TPD52L2: variants seen among roughly 807,000 people sequenced by gnomAD.
TPD52L2 encodes tumor protein D54.
TPD52L2 carries 19 observed loss-of-function variants against 24.7 expected under a neutral mutation model. The observed-to-expected ratio is 0.77, with a 90% CI of 0.54 to 1.13. TPD52L2 has a LOEUF of 1.13. TPD52L2 is among the 50% of genes most tolerant of loss of function. The probability of loss-of-function intolerance (pLI) is 0.00; values close to 1 mark genes in which losing one functional copy is unlikely to be tolerated. For synonymous variants in TPD52L2, 104 were observed against 100.2 expected (o/e 1.04, Z -0.23); for missense variants, 236 against 250.4 (o/e 0.94, Z 0.39).
intron 5 of TPD52L2, chr20:63,888,964 T>C: frequency 1.7e-6 from 1 of 591,292 alleles, no homozygotes; most frequent in Non-Finnish European, 3.0e-6. Flanking sequence ...CCAGTTGCCT[T>C]GTGTGACGTC....
At chr20:63,873,151 C>T (rs1438722827) in intron 2 of TPD52L2, among the ~76,000 whole-genome samples, 1 of 151,966 alleles carries the variant, frequency 6.6e-6, no homozygotes, top group Non-Finnish European at 1.5e-5. Context: ...AGTTGTGGGG[C>T]ATGGGATAGT....
chr20:63,874,673 C>T (rs2052599685), intron 3 of TPD52L2, among the ~76,000 whole-genome samples: 1 of 152,148 alleles, frequency 6.6e-6, no homozygotes, highest in South Asian at 2.1e-4. Flanking sequence ...CCACATCCGG[C>T]TTATATACGT....
At chr20:63,889,007 G>C in intron 5 of TPD52L2, 183 bp from the exon 6 acceptor site, 1 of 630,784 alleles carries the variant, frequency 1.6e-6, no homozygotes, top group Non-Finnish European at 2.9e-6. Context: ...GGGCATGGCC[G>C]ACCTCACTTT....
rs139901679 is a variant in TPD52L2, at chr20:63,887,553, C to T, written c.477-1637C>T. On this transcript the variant is annotated intron_variant, in intron 5 of 6. Transcript: ENST00000346249. Reference sequence around the variant, plus strand: ...TGCTTCCTTCTCTGCTTCTGCCATGCTTCCAAGCAGCAGCTACTCCATCCG... The same window carrying T: ...TGCTTCCTTCTCTGCTTCTGCCATGTTTCCAAGCAGCAGCTACTCCATCCG... 6.4e-5 allele frequency: 104 copies of T among 1,613,422 alleles called. No homozygotes were observed. The East Asian group carries it at 2.2e-3, about 34-fold the overall frequency.
rs147549899 is a variant in TPD52L2 at position 63,889,052 on chromosome 20, TCA to T, written c.477-135_477-134del. The T allele has an allele frequency of 0.011, 8,362 of 734,448 alleles. 367 individuals are homozygous for T. The East Asian group carries it at 0.12, about 11-fold the overall frequency. 45.5% of individuals were successfully genotyped at this position (734,448 alleles called of 1,614,324 possible). ...GAGTCTCCGGAATGACCTGGCTGTC[TCA>T]CAGTTTTGCCATGAGATCTTGGGAT... is the stretch of plus-strand genomic sequence containing the variant. On this transcript the variant is annotated intron_variant, in intron 5 of 6. Coordinates refer to ENST00000346249, the MANE Select transcript of TPD52L2 (RefSeq NM_003288.4).
intron 1 of TPD52L2, among the ~76,000 whole-genome samples, chr20:63,866,669 C>T (rs2052249480): frequency 6.6e-6 from 1 of 151,002 alleles, no homozygotes; most frequent in East Asian, 2.0e-4. Context: ...CACTGTTAGC[C>T]ATGACGGTCT....
chr20:63,875,983 G>T, intron 4 of TPD52L2, 108 bp downstream of exon 4: 2 of 1,149,520 alleles, frequency 1.7e-6, no homozygotes, highest in Non-Finnish European at 1.3e-6. Context: ...TTTGGTATTT[G>T]CTGGCTATTT....
chr20:63,871,818 G>T (rs959548953), intron 2 of TPD52L2, among the ~76,000 whole-genome samples: 1 of 151,826 alleles, frequency 6.6e-6, no homozygotes, highest in Non-Finnish European at 1.5e-5. Context: ...ATTTTTGGTA[G>T]AGACGGCCTT....
intron 4 of TPD52L2, among the ~76,000 whole-genome samples, chr20:63,881,155 A>C (rs1056028808): frequency 4.6e-5 from 7 of 152,074 alleles, no homozygotes; most frequent in African/African-American, 1.7e-4. Context: ...TGAGGTCAGG[A>C]GTTCAAGACC....
intron 5 of TPD52L2, among the ~76,000 whole-genome samples, chr20:63,886,508 C>CA (rs2053117622): frequency 6.6e-6 from 1 of 151,912 alleles, no homozygotes; most frequent in Non-Finnish European, 1.5e-5. Context: ...ACTACAGGCG[C>CA]CCGCCGCCAC....
Position 63,869,433 on chromosome 20 carries a change from C to G in TPD52L2, c.157C>G (p.Leu53Val), listed in dbSNP as rs745462601. Residue 53 changes from leucine to valine, a missense_variant, in exon 2 of 7, where the codon CTT (leucine) becomes GTT (valine). Coordinates refer to ENST00000346249, the MANE Select transcript of TPD52L2 (RefSeq NM_003288.4). ...EAEEEELRAE[L>V]TKVEEEIVTL... is the part of the protein sequence containing the mutation. ...TGAGGAGGAGGAGCTCAGGGCTGAG[C>G]TTACCAAGGTGCTGTGGCTTGGCTG... 1.2e-6 allele frequency: 2 copies of G among 1,614,136 alleles called. No homozygotes were observed. Among genetic ancestry groups the G allele is most frequent in the South Asian group, 2.2e-5 (2 of 91,084 alleles).
At chr20:63,889,538 T>C (rs2053256580) in intron 6 of TPD52L2, among the ~76,000 whole-genome samples, 2 of 152,096 alleles carry the variant, frequency 1.3e-5, no homozygotes, top group South Asian at 4.1e-4. Context: ...TTCTTGGCCA[T>C]GCTGACCTTC....
At chr20:63,867,213 A>C (rs113461124) in intron 1 of TPD52L2, among the ~76,000 whole-genome samples, 1 of 151,804 alleles carries the variant, frequency 6.6e-6, no homozygotes, top group Admixed American at 6.6e-5. Context: ...CTTGGCCTCC[A>C]AAAGTGCTGG....
intron 4 of TPD52L2, chr20:63,876,889 G>A (rs749915052): frequency 2.6e-5 from 12 of 455,506 alleles, no homozygotes; most frequent in Admixed American, 1.4e-4. Context: ...CTGGGGACCC[G>A]GGCGGTTCAC....
intron 5 of TPD52L2, 126 bp from the exon 6 acceptor site, chr20:63,889,064 C>A: frequency 2.5e-6 from 2 of 789,806 alleles, no homozygotes; most frequent in Non-Finnish European, 4.4e-6. Context: ...ACAGTTTTGC[C>A]ATGAGATCTT....
chr20:63,889,195 C>G lies in TPD52L2; in HGVS notation c.482C>G (p.Ser161Cys). 1 of 1,613,562 alleles carries G rather than the reference C, an allele frequency of 6.2e-7. No homozygotes were observed. The highest frequency in any genetic ancestry group is 1.7e-5 in the Admixed American group (1 of 59,998). ...ISRKLGDMRN[S>C]ATFKSFEDRV... is the part of the protein sequence containing the mutation. ...TCTTCCCTCTCTCTTTAAAGGAACT[C>G]TGCGACCTTCAAGTCGTTTGAGGAC... Residue 161 changes from serine to cysteine, a missense_variant, in exon 6 of 7, where the codon TCT (serine) becomes TGT (cysteine). By Grantham distance (112) the Ser-to-Cys change is moderately radical. Transcript: ENST00000346249.
chr20:63,872,111 G>C (rs1326988255), intron 2 of TPD52L2, among the ~76,000 whole-genome samples: 1 of 137,162 alleles, frequency 7.3e-6, no homozygotes, highest in Non-Finnish European at 1.5e-5. Context: ...TCTTTCTGTT[G>C]CTCAGTTCTA....
At chr20:63,883,509 G>GC (rs1180831642) in intron 5 of TPD52L2, among the ~76,000 whole-genome samples, 3 of 152,194 alleles carry the variant, frequency 2.0e-5, no homozygotes, top group Non-Finnish European at 4.4e-5. Context: ...TGGGCCTCAG[G>GC]CACGCCTTCT....
At chr20:63,870,919 T>C (rs1241544387) in intron 2 of TPD52L2, among the ~76,000 whole-genome samples, 1 of 152,080 alleles carries the variant, frequency 6.6e-6, no homozygotes, top group Non-Finnish European at 1.5e-5. Context: ...AGTTTCACCA[T>C]GTTGGCCAGG....
Sources: allele counts gnomAD v4.1 joint callset (sites outside exome capture counted in the v4.1 genomes callset), GRCh38; gene constraint gnomAD v4.1.1; transcripts MANE v1.5; gene names NCBI Gene and HGNC (gene_info 2026-07-23, HGNC 2026-07-21).